The following MBP variants were observed in gnomAD, a reference collection of about 807,000 sequenced individuals.
MBP encodes the protein Golli-MBP.
Under a neutral mutation model 35.8 loss-of-function variants are expected in MBP, and 16 were observed. The observed-to-expected ratio is 0.45, with a 90% CI of 0.30 to 0.68. The LOEUF is 0.68. Ranked by LOEUF, MBP falls within the 30% of genes least tolerant of loss-of-function variation. MBP has a pLI of 0.08. For missense variants in MBP, 380 were observed against 404.7 expected (o/e 0.94, Z 0.52); for synonymous variants, 143 against 159.6 (o/e 0.90, Z 0.78).
Position 76,989,828 on chromosome 18 carries a change from C to T in MBP, c.681+128G>A. ...AGGTGCGAGGGGGGAGTTCCCCGGCCGGCCTCACCCTGATGATGACCCCGG... is the reference window on the plus strand; with the variant it reads ...AGGTGCGAGGGGGGAGTTCCCCGGCTGGCCTCACCCTGATGATGACCCCGG... On this transcript the variant is annotated intron_variant, in intron 5 of 8. Transcript: ENST00000355994. This position sits in a 1 kb window ranked among gnomAD's most constrained non-coding sequence, Gnocchi z 4.0. 1.4e-6 allele frequency: 1 copy of T among 733,178 alleles called. No homozygotes were observed. Among genetic ancestry groups the T allele is most frequent in the Non-Finnish European group, 2.3e-6 (1 of 430,274 alleles). 45.4% of individuals were successfully genotyped at this position (733,178 alleles called of 1,614,324 possible). A position where few individuals can be genotyped will look rare whatever the true frequency, so the allele number is the denominator to read the frequency against.
chr18:77,021,060 AGT>A (rs1371105547), intron 3 of MBP, among the ~76,000 whole-genome samples: 1 of 152,190 alleles, frequency 6.6e-6, no homozygotes, highest in African/African-American at 2.4e-5. Context: ...TGTCTGGAAG[AGT>A]GTTGTCTTCT....
rs914296868 is a variant in MBP, at chr18:77,044,884, TGTAA to T, written c.139+21410_139+21413del. The stretch of plus-strand genomic sequence containing the variant: ...AGGTTGTTGTCTGTTGTATCCTGTG[TGTAA>T]GTGTGTGTGACTGTGTGAGTGTGTA... On this transcript the variant is annotated intron_variant, in intron 3 of 8. Coordinates refer to ENST00000355994, the MANE Select transcript of MBP (RefSeq NM_001025101.2). This position sits in a 1 kb window ranked among gnomAD's most constrained non-coding sequence, Gnocchi z 4.4. 1.3e-5 allele frequency among the ~76,000 whole-genome samples: 2 copies of T among 149,176 alleles called. No individual in the cohort carries two copies. Among genetic ancestry groups the T allele is most frequent in the African/African-American group, 2.5e-5 (1 of 40,804 alleles).
Position 76,988,497 on chromosome 18 carries a change from A to G in MBP, c.748T>C (p.Trp250Arg). The G allele has an allele frequency of 1.2e-6, 2 of 1,614,200 alleles. No homozygotes were observed. Among genetic ancestry groups the G allele is most frequent in the Non-Finnish European group, 1.7e-6 (2 of 1,180,032 alleles). Residue 250 changes from tryptophan to arginine, a missense_variant and splice_region_variant, in exon 7 of 9, where the codon TGG becomes CGG. By Grantham distance (101) the Trp-to-Arg change is moderately radical. Transcript: ENST00000355994. The surrounding 1 kb of genome is among the most constrained non-coding windows in gnomAD (Gnocchi z 5.2). ...GRGLSLSRFS[W>R]GAEGQRPGFG... ...ATGGAAGTGCGTTCGTCACCTACCC[A>G]GCTAAATCTGCTCAGGGACAGTCCT...
chr18:77,099,777 C>T (rs1417579702), intron 2 of MBP, among the ~76,000 whole-genome samples: 2 of 152,254 alleles, frequency 1.3e-5, no homozygotes, highest in African/African-American at 2.4e-5. Context: ...TGCAGATGCA[C>T]ACCTGCCCTG....
chr18:77,021,975 G>C (rs1198306695), intron 3 of MBP, among the ~76,000 whole-genome samples: 7 of 152,188 alleles, frequency 4.6e-5, no homozygotes, highest in Non-Finnish European at 1.0e-4. Flanking sequence ...ACCAGTTCTG[G>C]GGGTGGTGGC....
At chr18:77,023,229 T>C (rs1042958640) in intron 3 of MBP, among the ~76,000 whole-genome samples, 1 of 152,116 alleles carries the variant, frequency 6.6e-6, no homozygotes, top group Non-Finnish European at 1.5e-5. Context: ...CTGTGATATG[T>C]GGGGGATAGC....
Position 76,989,980 on chromosome 18 carries a change from G to A in MBP, c.657C>T (p.Pro219=), listed in dbSNP as rs76912958. Residue 219 remains proline, a synonymous_variant, in exon 5 of 9, where the codon CCC becomes CCT. Transcript: ENST00000355994. The surrounding 1 kb of genome is among the most constrained non-coding windows in gnomAD (Gnocchi z 4.0). Reference sequence around the variant, plus strand: ...CAATGTTCTTGAAGAAGTGGACTACGGGGTTTTCATCTTGGGTCCGGCCGT... The same window carrying A: ...CAATGTTCTTGAAGAAGTGGACTACAGGGTTTTCATCTTGGGTCCGGCCGT... The part of the protein sequence containing the change: ...KSHGRTQDEN[P]VVHFFKNIVT... 6,492 of 1,612,278 alleles carry A rather than the reference G, an allele frequency of 4.0e-3. 212 individuals are homozygous for A. The African/African-American group carries it at 0.073, about 18-fold the overall frequency.
At chr18:77,009,807 T>A in intron 4 of MBP, 1 of 1,507,342 alleles carries the variant, frequency 6.6e-7, no homozygotes, top group Non-Finnish European at 8.9e-7. Context: ...AAACGGCAGG[T>A]CACCCCTGGC....
At chr18:77,081,457 TCAA>T (rs1209840092) in intron 2 of MBP, among the ~76,000 whole-genome samples, 3 of 152,108 alleles carry the variant, frequency 2.0e-5, no homozygotes, top group Non-Finnish European at 4.4e-5. Context: ...GAAAAAATGC[TCAA>T]CGTTATTACG....
chr18:77,045,738 AT>A (rs1973224358), intron 3 of MBP, among the ~76,000 whole-genome samples: 1 of 152,208 alleles, frequency 6.6e-6, no homozygotes, highest in African/African-American at 2.4e-5. Context: ...TGTGAATGTA[AT>A]CTTTCATTTT....
At chr18:77,086,838 C>T (rs1306816961) in intron 2 of MBP, among the ~76,000 whole-genome samples, 1 of 152,170 alleles carries the variant, frequency 6.6e-6, no homozygotes, top group African/African-American at 2.4e-5. Context: ...CCAACAATGA[C>T]AGGAAAAGAG....
At chr18:77,093,444 G>A (rs1321519886) in intron 2 of MBP, 2 of 152,242 alleles carry the variant, frequency 1.3e-5, no homozygotes, top group Non-Finnish European at 2.9e-5. Context: ...TGGAGAGGCT[G>A]CCCTTGTTTG....
At chr18:77,125,465 TTCCC>T (rs1977018295) in intron 1 of MBP, among the ~76,000 whole-genome samples, 1 of 152,172 alleles carries the variant, frequency 6.6e-6, no homozygotes, top group Non-Finnish European at 1.5e-5. Flanking sequence ...AGACAGCCAA[TTCCC>T]TCCCCTCCCC....
chr18:77,075,701 G>A (rs376751075), intron 2 of MBP, among the ~76,000 whole-genome samples: 19 of 152,312 alleles, frequency 1.2e-4, no homozygotes, highest in African/African-American at 4.3e-4. Flanking sequence ...GAAGAGCTCT[G>A]TTTAACGTCC....
chr18:77,007,990 C>A (rs968280311), intron 4 of MBP, among the ~76,000 whole-genome samples: 2 of 152,090 alleles, frequency 1.3e-5, no homozygotes, highest in African/African-American at 4.8e-5. Flanking sequence ...GATACCAAAG[C>A]CTGGGACTCT....
At chr18:77,024,581 C>A (rs1458345164) in intron 3 of MBP, among the ~76,000 whole-genome samples, 1 of 152,208 alleles carries the variant, frequency 6.6e-6, no homozygotes, top group South Asian at 2.1e-4. Flanking sequence ...CAAGCGGGAC[C>A]GCCTTCCACA....
intron 1 of MBP, among the ~76,000 whole-genome samples, chr18:77,119,015 C>T (rs115598232): frequency 0.02 from 2,927 of 146,030 alleles, 116 homozygotes; most frequent in African/African-American, 0.071. Flanking sequence ...GGCTGTGAGA[C>T]GCTGCCCGGC....
chr18:76,999,335 C>A (rs1970506301), intron 4 of MBP, among the ~76,000 whole-genome samples: 1 of 152,148 alleles, frequency 6.6e-6, no homozygotes, highest in East Asian at 1.9e-4. Flanking sequence ...CCCCCGTCAA[C>A]CCCATCAGAA....
chr18:77,115,192 G>C (rs772394560), intron 1 of MBP: 1 of 152,280 alleles, frequency 6.6e-6, no homozygotes, highest in East Asian at 1.9e-4. Flanking sequence ...ACATGACCCC[G>C]GGCCCTGGTC....
Sources: gnomAD v4.1 joint callset for allele counts (sites outside exome capture counted in the v4.1 genomes callset) on GRCh38, gnomAD v4.1.1 for gene constraint, Gnocchi (gnomAD v3.1) non-coding constraint, MANE v1.5 for transcripts, NCBI Gene and HGNC (gene_info 2026-07-23, HGNC 2026-07-21) for gene names.